The following RFPL1 variants were observed in gnomAD, a reference collection of about 807,000 sequenced individuals.
RFPL1 encodes the protein ret finger protein like 1.
In RFPL1, 6 loss-of-function variants were observed where a neutral mutation model predicts 9.6. The ratio of observed to expected loss-of-function variants is 0.62; its 90% confidence interval spans 0.34 to 1.23. RFPL1 has a LOEUF of 1.23. Ranked by LOEUF, RFPL1 falls within the 50% of genes most tolerant of loss-of-function variation. The pLI is 0.03. For synonymous variants in RFPL1, 145 were observed against 149.4 expected, an observed-to-expected ratio of 0.97 and a Z score of 0.22; for missense variants, 352 against 398.4, an observed-to-expected ratio of 0.88 and a Z score of 0.99.
chr22:29,402,254 TG>T, the RFPL1 span, among the ~76,000 whole-genome samples: 1,066 of 152,352 alleles, frequency 7.0e-3, 7 homozygotes, highest in African/African-American at 0.023. Context: ...GAATGGTTTC[TG>T]GGGGTTAAAT....
At chr22:29,403,043 C>G in the RFPL1 span, among the ~76,000 whole-genome samples, 1 of 149,546 alleles carries the variant, frequency 6.7e-6, no homozygotes. Context: ...CCTTCAGTAG[C>G]TGGTAGTGGA....
the RFPL1 span, among the ~76,000 whole-genome samples, chr22:29,401,789 ACT>A: frequency 2.0e-5 from 3 of 152,038 alleles, no homozygotes; most frequent in South Asian, 6.2e-4. Flanking sequence ...TGGTTCAGTG[ACT>A]CTCGTTTCCA....
the RFPL1 span, among the ~76,000 whole-genome samples, chr22:29,432,524 C>G: frequency 6.6e-6 from 1 of 152,134 alleles, no homozygotes; most frequent in African/African-American, 2.4e-5. Flanking sequence ...GAGAGAATTC[C>G]GAGCGTTAGC....
chr22:29,432,301 C>T, the RFPL1 span, among the ~76,000 whole-genome samples: 1 of 152,178 alleles, frequency 6.6e-6, no homozygotes, highest in Admixed American at 6.5e-5. Flanking sequence ...GGTGACAGTA[C>T]TCTAAAGCCC....
upstream of RFPL1, among the ~76,000 whole-genome samples, chr22:29,436,129 G>C (rs1325748890): frequency 1.3e-5 from 2 of 151,908 alleles, no homozygotes; most frequent in African/African-American, 4.8e-5. Flanking sequence ...TTTAGTGGAG[G>C]CTGGGAAGGG....
chr22:29,417,927 G>C, the RFPL1 span, among the ~76,000 whole-genome samples: 2 of 149,390 alleles, frequency 1.3e-5, no homozygotes, highest in Non-Finnish European at 3.0e-5. Flanking sequence ...GGGGAAGGCA[G>C]ACCTTGAATG....
exon 2 of RFPL1, chr22:29,441,977 T>C (rs758471318): frequency 3.1e-6 from 5 of 1,614,138 alleles, no homozygotes; most frequent in Non-Finnish European, 4.2e-6. Context: ...GTCTATACAT[T>C]CAGGAGTGTC....
the RFPL1 span, among the ~76,000 whole-genome samples, chr22:29,390,053 G>C: frequency 6.6e-6 from 1 of 152,122 alleles, no homozygotes; most frequent in Non-Finnish European, 1.5e-5. Context: ...GCCCACCTCA[G>C]CTTCCCAAAG....
the RFPL1 span, among the ~76,000 whole-genome samples, chr22:29,406,095 G>A: frequency 4.2e-4 from 45 of 107,192 alleles, 1 homozygote; most frequent in Admixed American, 4.2e-3. Context: ...CGGCCTGGGG[G>A]ACAGAGCGAG....
the RFPL1 span, among the ~76,000 whole-genome samples, chr22:29,417,221 AG>A: frequency 6.6e-6 from 1 of 151,998 alleles, no homozygotes; most frequent in Non-Finnish European, 1.5e-5. Context: ...TTGAGATGGA[AG>A]AACAAAGATG....
the RFPL1 span, among the ~76,000 whole-genome samples, chr22:29,398,500 A>G: frequency 0.028 from 4,311 of 152,304 alleles, 90 homozygotes; most frequent in Non-Finnish European, 0.043. Context: ...ATCCTCGTGC[A>G]GTTGGAAAGG....
the RFPL1 span, among the ~76,000 whole-genome samples, chr22:29,399,228 T>C: frequency 6.6e-6 from 1 of 151,140 alleles, no homozygotes; most frequent in Non-Finnish European, 1.5e-5. Flanking sequence ...GGATAGTGTT[T>C]TGTTTTTTTA....
the RFPL1 span, among the ~76,000 whole-genome samples, chr22:29,411,219 C>T: frequency 6.6e-6 from 1 of 152,062 alleles, no homozygotes; most frequent in South Asian, 2.1e-4. Flanking sequence ...GTAATTCTTA[C>T]CAAATAGTAA....
the RFPL1 span, among the ~76,000 whole-genome samples, chr22:29,410,794 G>A: frequency 7.3e-5 from 11 of 151,196 alleles, no homozygotes; most frequent in African/African-American, 1.9e-4. Flanking sequence ...CTGGGATTAC[G>A]GACGCCTGCC....
upstream of RFPL1, chr22:29,437,326 T>G (rs529723942): frequency 1.9e-5 from 6 of 311,774 alleles, no homozygotes; most frequent in African/African-American, 1.4e-4. Context: ...CCAATCATAC[T>G]TAATACTTCA....
upstream of RFPL1, among the ~76,000 whole-genome samples, chr22:29,434,266 T>G (rs2062798342): frequency 6.6e-6 from 1 of 152,240 alleles, no homozygotes; most frequent in African/African-American, 2.4e-5. Context: ...AGACATGGTT[T>G]CTGCCTTCAT....
the RFPL1 span, among the ~76,000 whole-genome samples, chr22:29,432,762 A>T: frequency 3.3e-5 from 5 of 152,108 alleles, no homozygotes; most frequent in Non-Finnish European, 7.4e-5. Flanking sequence ...CGATATTAGA[A>T]GTTCAAGGCC....
At chr22:29,402,486 C>T in the RFPL1 span, among the ~76,000 whole-genome samples, 6 of 152,112 alleles carry the variant, frequency 3.9e-5, no homozygotes, top group African/African-American at 1.4e-4. Context: ...TGAGTTCAGT[C>T]CCTATTTTAT....
At chr22:29,424,980 G>A in the RFPL1 span, among the ~76,000 whole-genome samples, 5 of 151,794 alleles carry the variant, frequency 3.3e-5, no homozygotes, top group South Asian at 2.1e-4. Flanking sequence ...CCAGGCGGGC[G>A]GATCACGAGG....
Sources: allele counts gnomAD v4.1 joint callset (sites outside exome capture counted in the v4.1 genomes callset), GRCh38; gene constraint gnomAD v4.1.1; transcripts MANE v1.5; gene names NCBI Gene and HGNC (gene_info 2026-07-23, HGNC 2026-07-21).